The following SZT2 variants were observed in gnomAD, a reference collection of about 807,000 sequenced individuals.
SZT2 encodes the protein KICSTOR complex protein SZT2.
Under a neutral mutation model 404.2 loss-of-function variants are expected in SZT2, and 216 were observed. That is an observed-to-expected ratio of 0.53 (90% CI 0.48 to 0.60). The LOEUF (loss-of-function observed/expected upper bound fraction) is 0.60. Ranked by LOEUF, SZT2 falls within the 20% of genes least tolerant of loss-of-function variation. The pLI, the probability that SZT2 is intolerant of heterozygous loss-of-function variation, is 0.00. For missense variants in SZT2, 3,857 were observed against 4,459.2 expected (o/e 0.86, Z 3.85); for synonymous variants, 1,693 against 1,749.9 (o/e 0.97, Z 0.81).
chr1:43,450,183 T>TG lies in SZT2; in HGVS notation c.10155+18dup. ...ACTTAGGAAAGACGGTAAGAACGAG[T>TG]GGGGGGCTTTGTGTCAGCCTCATGG... On this transcript the variant is annotated intron_variant, in intron 71 of 71. Coordinates refer to ENST00000634258, the MANE Select transcript of SZT2 (RefSeq NM_001365999.1). The surrounding 1 kb of genome is among the most constrained non-coding windows in gnomAD (Gnocchi z 4.3). 6.2e-7 allele frequency: 1 copy of TG among 1,614,008 alleles called. No homozygotes were observed. The highest frequency in any genetic ancestry group is 1.3e-5 in the African/African-American group (1 of 74,976).
rs147818016 is a variant in SZT2, at chr1:43,441,800, G to T, written c.7724G>T (p.Arg2575Leu). 3.7e-6 allele frequency: 6 copies of T among 1,614,010 alleles called. No individual in the cohort carries two copies. Among genetic ancestry groups the T allele is most frequent in the Non-Finnish European group, 5.1e-6 (6 of 1,180,026 alleles). ...VTSMAGDTSV[R>L]IFEQHLGSEP... ...TCAATGGCTGGAGACACCAGTGTCC[G>T]CATCTTTGAGCAGCATTTGTGAGTG... The change falls in exon 55 of 72, where the codon CGC (arginine) becomes CTC (leucine). Residue 2575 changes from arginine (R) to leucine (L), a missense_variant. Physicochemically the swap from Arg to Leu is moderately radical, Grantham distance 102. This residue lies in a region of SZT2 where 573 missense variants were observed against 592.4 expected (regional missense o/e 0.97). Coordinates refer to ENST00000634258, the MANE Select transcript of SZT2 (RefSeq NM_001365999.1). This position sits in a 1 kb window ranked among gnomAD's most constrained non-coding sequence, Gnocchi z 4.8.
intron 4 of SZT2, chr1:43,406,500 A>G (rs1484921178): frequency 3.1e-5 from 5 of 162,178 alleles, no homozygotes; most frequent in African/African-American, 9.6e-5. Flanking sequence ...AAGCAAATAC[A>G]TGGTACTATG....
Position 43,424,910 on chromosome 1 carries a change from C to G in SZT2, c.2550+48C>G. 1 of 1,582,094 alleles carries G rather than the reference C, an allele frequency of 6.3e-7. No homozygotes were observed. The highest frequency in any genetic ancestry group is 8.7e-7 in the Non-Finnish European group (1 of 1,151,304). ...CCTCCCTGCCAAGGTCTGTCATAAT[C>G]CCAGGGACACTCACCTCTGAGCTGG... On this transcript the variant is annotated intron_variant, in intron 17 of 71. Coordinates refer to ENST00000634258, the MANE Select transcript of SZT2 (RefSeq NM_001365999.1). The surrounding 1 kb of genome is among the most constrained non-coding windows in gnomAD (Gnocchi z 4.1).
chr1:43,420,777 G>C lies in SZT2; in HGVS notation c.1290G>C (p.Val430=). ...GGTCCCAATTGGAGGTAAAGCTGGT[G>C]CTGCTGTGGAAACACAACATGCGCA... The part of the protein sequence containing the change: ...KGGSQLEVKL[V]LLWKHNMRIE... The change falls in exon 10 of 72, where the codon GTG becomes GTC. Residue 430 remains valine, a synonymous_variant. Coordinates refer to ENST00000634258, the MANE Select transcript of SZT2 (RefSeq NM_001365999.1). The surrounding 1 kb of genome is among the most constrained non-coding windows in gnomAD (Gnocchi z 5.1). 1 of 1,598,420 alleles carries C rather than the reference G, an allele frequency of 6.3e-7. No homozygotes were observed. Among genetic ancestry groups the C allele is most frequent in the Non-Finnish European group, 8.5e-7 (1 of 1,179,814 alleles).
At chr1:43,432,484 C>T (rs1450699569) in intron 37 of SZT2, 33 bp from the exon 38 acceptor site, 3 of 1,576,098 alleles carry the variant, frequency 1.9e-6, no homozygotes, top group South Asian at 2.4e-5. Flanking sequence ...GTGTGTGGGG[C>T]CTATACCTCA....
At chr1:43,413,422 C>A (rs1347312699) in intron 4 of SZT2, among the ~76,000 whole-genome samples, 1 of 152,022 alleles carries the variant, frequency 6.6e-6, no homozygotes, top group African/African-American at 2.4e-5. Context: ...AATAGAGCTA[C>A]CATATGATCT....
At chr1:43,446,612 G>A in intron 65 of SZT2, 196 bp downstream of exon 65, 1 of 685,602 alleles carries the variant, frequency 1.5e-6, no homozygotes, top group Non-Finnish European at 2.5e-6. Context: ...GACCCCATCG[G>A]TCATCCAAAG....
At position 43,419,745 on chromosome 1, in the gene SZT2, T is replaced by G. The variant is rs1652118010; in HGVS notation, c.891T>G (p.Val297=). The G allele has an allele frequency of 6.3e-7, 1 of 1,598,064 alleles. No individual in the cohort carries two copies. Among genetic ancestry groups the G allele is most frequent in the Admixed American group, 1.7e-5 (1 of 59,962 alleles). ...CTCACTTTTTCCAGGTGGGAGGAGTTTACTCTTATGACTGCAGTTTTGGCC... is the reference window on the plus strand; with the variant it reads ...CTCACTTTTTCCAGGTGGGAGGAGTGTACTCTTATGACTGCAGTTTTGGCC... ...VACSFVQVGG[V]YSYDCSFGHV... Residue 297 remains valine (V), a synonymous_variant, in exon 8 of 72, where the codon GTT becomes GTG. Transcript: ENST00000634258.
At chr1:43,444,407 A>C (rs1339297952) in intron 62 of SZT2, among the ~76,000 whole-genome samples, 2 of 152,058 alleles carry the variant, frequency 1.3e-5, no homozygotes, top group Admixed American at 6.5e-5. Flanking sequence ...TGCACATGTG[A>C]ATCTTGTACA....
Position 43,439,207 on chromosome 1 carries a change from C to A in SZT2, c.6792+114C>A, listed in dbSNP as rs758710150. On this transcript the variant is annotated intron_variant, in intron 48 of 71. Transcript: ENST00000634258. The surrounding 1 kb of genome is among the most constrained non-coding windows in gnomAD (Gnocchi z 4.2). ...GTACCTTTGCCCATGGACCTGGGTA[C>A]ACCCATGCCCCCCCGGGGACCATTA... 3.2e-6 allele frequency: 5 copies of A among 1,542,434 alleles called. No individual in the cohort carries two copies. Among genetic ancestry groups the A allele is most frequent in the Non-Finnish European group, 4.4e-6 (5 of 1,123,952 alleles).
intron 30 of SZT2, 55 bp downstream of exon 30, chr1:43,430,158 G>T (rs965986047): frequency 6.2e-6 from 10 of 1,603,826 alleles, no homozygotes; most frequent in Non-Finnish European, 8.5e-6. Flanking sequence ...GGCCCACCCA[G>T]ACCCTCTTGA....
Position 43,448,395 on chromosome 1 carries a change from C to T in SZT2, c.9880C>T (p.Arg3294Trp), listed in dbSNP as rs199787819. The T allele has an allele frequency of 7.0e-5, 110 of 1,573,180 alleles. No individual in the cohort carries two copies. Among genetic ancestry groups the T allele is most frequent in the East Asian group, 6.4e-4 (27 of 42,358 alleles). The change falls in exon 69 of 72, where the codon CGG becomes TGG. Residue 3294 changes from arginine to tryptophan, a missense_variant. Transcript: ENST00000634258. This position sits in a 1 kb window ranked among gnomAD's most constrained non-coding sequence, Gnocchi z 4.2. ...LLEPPGPDRL[R>W]LGGRLALAEL... ...GGAGCCACCGGGGCCTGATCGACTG[C>T]GGCTAGGGGGGCGCCTGGCCCTGGC... is the stretch of plus-strand genomic sequence containing the variant.
chr1:43,407,081 T>C (rs1350013968), intron 4 of SZT2, among the ~76,000 whole-genome samples: 1 of 152,150 alleles, frequency 6.6e-6, no homozygotes, highest in Non-Finnish European at 1.5e-5. Context: ...AAGATTATTG[T>C]AGCATGGGAG....
rs1655065145 is a variant in SZT2, at chr1:43,441,580, A to G, written c.7588A>G (p.Met2530Val). The G allele has an allele frequency of 1.2e-6, 2 of 1,614,100 alleles. No homozygotes were observed. The highest frequency in any genetic ancestry group is 1.1e-5 in the South Asian group (1 of 91,074). Reference sequence around the variant, plus strand: ...GTTTGCCCGTGTTGCTCAGCGCTGGATGGAGTTTATGGTTCAGATTGGTGA... The same window carrying G: ...GTTTGCCCGTGTTGCTCAGCGCTGGGTGGAGTTTATGGTTCAGATTGGTGA... ...PVFARVAQRW[M>V]EFMVQIGCAS... The change falls in exon 54 of 72, where the codon ATG (methionine) becomes GTG (valine). Residue 2530 changes from methionine (M) to valine (V), a missense_variant. Met to Val is a conservative substitution (Grantham distance 21). Transcript: ENST00000634258. This position sits in a 1 kb window ranked among gnomAD's most constrained non-coding sequence, Gnocchi z 4.8.
At position 43,428,061 on chromosome 1, in the gene SZT2, G is replaced by T; in HGVS notation, c.3862G>T (p.Glu1288Ter). 1 of 1,614,164 alleles carries T rather than the reference G, an allele frequency of 6.2e-7. No homozygotes were observed. Among genetic ancestry groups the T allele is most frequent in the Non-Finnish European group, 8.5e-7 (1 of 1,180,006 alleles). The change falls in exon 27 of 72, where the codon GAG becomes TAG. Residue 1288 changes from glutamate (E) to a stop codon, truncating the protein, a stop_gained. Coordinates refer to ENST00000634258, the MANE Select transcript of SZT2 (RefSeq NM_001365999.1). LOFTEE classifies it high-confidence loss of function. The stretch of plus-strand genomic sequence containing the variant: ...AGCCTGGATGGAACCCCGGTACAAG[G>T]AGGCAGCTAACCACTGTGCCCTGCT... Reference protein sequence around the residue: ...SSAWMEPRYKEAANHCALLQE... With the variant: ...SSAWMEPRYK
At chr1:43,404,585 A>G (rs531444734) in intron 4 of SZT2, 35 bp downstream of exon 4, 1 of 1,593,624 alleles carries the variant, frequency 6.3e-7, no homozygotes, top group Non-Finnish European at 8.6e-7. Context: ...GTACCCTCAG[A>G]CCAAATTTCT....
Position 43,434,389 on chromosome 1 carries a change from C to T in SZT2, c.5808C>T (p.Ser1936=), listed in dbSNP as rs753711695. 1.3e-6 allele frequency: 2 copies of T among 1,592,050 alleles called. No individual in the cohort carries two copies. The highest frequency in any genetic ancestry group is 2.3e-5 in the East Asian group (1 of 44,254). ...TCAGATTATCCTTCCTTCCCAGGAG[C>T]CTGATTCGGGAGGATGGGGGGCCGG... ...DRVEVYAHAR[S]LIREDGGPGT... is the part of the protein sequence containing the mutation. The change falls in exon 41 of 72, where the codon AGC becomes AGT. Residue 1936 remains serine (S), a synonymous_variant. Transcript: ENST00000634258.
rs1331321665 is a variant in SZT2 at position 43,422,197 on chromosome 1, C to T, written c.1741C>T (p.Arg581Cys). Residue 581 changes from arginine (R) to cysteine (C), a missense_variant, in exon 12 of 72, where the codon CGC becomes TGC. This residue lies in a region of SZT2 where 1,725 missense variants were observed against 1,881.0 expected (regional missense o/e 0.92). Coordinates refer to ENST00000634258, the MANE Select transcript of SZT2 (RefSeq NM_001365999.1). The part of the protein sequence containing the change: ...NSWQRWLHMH[R>C]LVLILEHDTP... Reference sequence around the variant, plus strand: ...CTGGCAGCGATGGCTGCACATGCATCGCCTGGTGCTAATCCTGGAGCATGA... The same window carrying T: ...CTGGCAGCGATGGCTGCACATGCATTGCCTGGTGCTAATCCTGGAGCATGA... The T allele has an allele frequency of 1.5e-5, 24 of 1,593,808 alleles. No homozygotes were observed. The highest frequency in any genetic ancestry group is 2.0e-5 in the Non-Finnish European group (23 of 1,176,700).
rs117460776 is a variant in SZT2, at chr1:43,398,531, A to T, written c.28-4646A>T. On this transcript the variant is annotated intron_variant, in intron 1 of 71. Transcript: ENST00000634258. ...TAAGAACTTTGGCAGTATCCAGCAT[A>T]GTCAACACATAATATCCCACCCACA... Among the ~76,000 whole-genome samples, 363 of 152,312 alleles carry T rather than the reference A, an allele frequency of 2.4e-3. 11 individuals are homozygous for T. In the East Asian group the frequency reaches 0.061, roughly 26 times the overall value.
Sources: allele counts gnomAD v4.1 joint callset (sites outside exome capture counted in the v4.1 genomes callset), GRCh38; gene constraint gnomAD v4.1.1; regional missense constraint gnomAD v4.1.1; non-coding constraint Gnocchi (gnomAD v3.1); transcripts MANE v1.5; gene names NCBI Gene and HGNC (gene_info 2026-07-23, HGNC 2026-07-21).